The following LARP4 variants were observed in gnomAD, a reference collection of about 807,000 sequenced individuals.
The protein encoded by LARP4 is La ribonucleoprotein 4.
A neutral mutation model predicts 92.9 loss-of-function variants in LARP4; 29 were observed. The ratio of observed to expected loss-of-function variants is 0.31; its 90% CI spans 0.23 to 0.43. The LOEUF (loss-of-function observed/expected upper bound fraction) is 0.43. Among genes scored for constraint, LARP4 ranks in the 20% least tolerant of loss-of-function variants. The pLI is 1.00. For synonymous variants in LARP4, 279 were observed against 284.1 expected (o/e 0.98, Z 0.18); for missense variants, 732 against 860.0 (o/e 0.85, Z 1.86).
chr12:50,430,025 T>C (rs1949413784), intron 3 of LARP4, among the ~76,000 whole-genome samples: 2 of 152,114 alleles, frequency 1.3e-5, no homozygotes, highest in Non-Finnish European at 2.9e-5. Flanking sequence ...TGAAAGAATA[T>C]CTAGATTGAC....
chr12:50,415,308 G>A (rs1946578744), intron 1 of LARP4, among the ~76,000 whole-genome samples: 1 of 152,150 alleles, frequency 6.6e-6, no homozygotes. Flanking sequence ...CCATTAGAGT[G>A]TAATGTCTTT....
chr12:50,473,977 T>C, intron 14 of LARP4, 22 bp from the exon 15 acceptor site: 2 of 1,603,806 alleles, frequency 1.2e-6, no homozygotes, highest in East Asian at 2.2e-5. Flanking sequence ...CTGAGTCTAA[T>C]TGCAAGCTCT....
chr12:50,412,681 T>C (rs1946107694), intron 1 of LARP4, among the ~76,000 whole-genome samples: 1 of 152,162 alleles, frequency 6.6e-6, no homozygotes, highest in Non-Finnish European at 1.5e-5. Flanking sequence ...TTTGGCTTAT[T>C]TGGGGATGAC....
chr12:50,410,103 A>G (rs1945590053), intron 1 of LARP4, among the ~76,000 whole-genome samples: 1 of 151,612 alleles, frequency 6.6e-6, no homozygotes, highest in Admixed American at 6.6e-5. Context: ...AAAAAAAAAA[A>G]AGAACTATTT....
At chr12:50,422,360 T>C (rs1349218560) in intron 1 of LARP4, among the ~76,000 whole-genome samples, 1 of 152,236 alleles carries the variant, frequency 6.6e-6, no homozygotes, top group Non-Finnish European at 1.5e-5. Flanking sequence ...CTTTTGTTAT[T>C]ATAGCAGTTA....
chr12:50,401,270 T>G (rs945523155), intron 1 of LARP4: 3 of 573,164 alleles, frequency 5.2e-6, no homozygotes, highest in Non-Finnish European at 9.4e-6. Flanking sequence ...GGAGGGCTGT[T>G]CTGGTGTGGC....
chr12:50,438,386 A>G (rs1273136415), intron 6 of LARP4, among the ~76,000 whole-genome samples: 1 of 151,712 alleles, frequency 6.6e-6, no homozygotes, highest in Non-Finnish European at 1.5e-5. Flanking sequence ...AATCCCAGCT[A>G]CTTGAGAGGC....
At chr12:50,446,583 C>G (rs1056192680) in intron 8 of LARP4, among the ~76,000 whole-genome samples, 3 of 149,444 alleles carry the variant, frequency 2.0e-5, no homozygotes, top group African/African-American at 7.4e-5. Flanking sequence ...CGCATGCCAC[C>G]ATGCTTGGCT....
chr12:50,429,142 C>T lies in LARP4; in HGVS notation c.322+52C>T, dbSNP rs765309412. On this transcript the variant is annotated intron_variant, in intron 3 of 15. Coordinates refer to ENST00000398473, the MANE Select transcript of LARP4 (RefSeq NM_052879.5). Reference sequence around the variant, plus strand: ...ATGAGAATTCAGTACAGGACACCCCCCACCCATGGTCTCTTTATACTTGTT... The same window carrying T: ...ATGAGAATTCAGTACAGGACACCCCTCACCCATGGTCTCTTTATACTTGTT... The T allele has an allele frequency of 1.1e-5, 14 of 1,327,016 alleles. No homozygotes were observed. The East Asian group carries it at 2.8e-4, about 26-fold the overall frequency. 82.2% of individuals were successfully genotyped at this position (1,327,016 alleles called of 1,614,324 possible).
intron 13 of LARP4, among the ~76,000 whole-genome samples, chr12:50,468,857 A>T (rs1256537435): frequency 1.3e-5 from 2 of 151,952 alleles, no homozygotes; most frequent in Non-Finnish European, 2.9e-5. Flanking sequence ...TCAGTATTAC[A>T]GATATTTTTC....
chr12:50,465,990 CAT>C (rs1329708778), intron 12 of LARP4, among the ~76,000 whole-genome samples: 2 of 152,074 alleles, frequency 1.3e-5, no homozygotes, highest in African/African-American at 4.8e-5. Flanking sequence ...AAAAAGAGCA[CAT>C]GTCTGTCAAA....
At chr12:50,414,294 T>TTTGTTG (rs573686302) in intron 1 of LARP4, among the ~76,000 whole-genome samples, 3 of 152,028 alleles carry the variant, frequency 2.0e-5, no homozygotes, top group South Asian at 4.1e-4. Context: ...TTTTCTGGGT[T>TTTGTTG]TTGTTGTTGT....
intron 1 of LARP4, among the ~76,000 whole-genome samples, chr12:50,408,432 G>C (rs902803339): frequency 9.9e-5 from 15 of 151,892 alleles, no homozygotes; most frequent in Non-Finnish European, 1.2e-4. Context: ...CCCAACCTCA[G>C]GTGATCCGCC....
intron 1 of LARP4, among the ~76,000 whole-genome samples, chr12:50,406,443 T>C (rs1450994874): frequency 6.6e-6 from 1 of 152,122 alleles, no homozygotes; most frequent in East Asian, 1.9e-4. Context: ...TTCATGACAC[T>C]GCACTCCAGC....
At chr12:50,458,431 C>CT (rs1185254884) in intron 10 of LARP4, among the ~76,000 whole-genome samples, 4 of 151,858 alleles carry the variant, frequency 2.6e-5, no homozygotes, top group Non-Finnish European at 5.9e-5. Flanking sequence ...CACCCAGCTA[C>CT]TTTAAGTTTT....
chr12:50,422,136 A>AT (rs1565972382), intron 1 of LARP4, among the ~76,000 whole-genome samples: 1 of 151,550 alleles, frequency 6.6e-6, no homozygotes, highest in East Asian at 1.9e-4. Flanking sequence ...CGACTGGCTA[A>AT]TTTTTTTTAG....
Position 50,463,426 on chromosome 12 carries a change from A to C in LARP4, c.1383+796A>C, listed in dbSNP as rs954759220. 2.8e-3 allele frequency among the ~76,000 whole-genome samples: 405 copies of C among 146,544 alleles called. 5 individuals are homozygous for C. Among genetic ancestry groups the C allele is most frequent in the Non-Finnish European group, 4.8e-3 (319 of 66,570 alleles). ...TGATGAAACCCCATCTCTCCAAAAAAAAAAAAAAAAAAAAAAAAAAAATTA... is the reference window on the plus strand; with the variant it reads ...TGATGAAACCCCATCTCTCCAAAAACAAAAAAAAAAAAAAAAAAAAAATTA... On this transcript the variant is annotated intron_variant, in intron 12 of 15. Coordinates refer to ENST00000398473, the MANE Select transcript of LARP4 (RefSeq NM_052879.5).
intron 2 of LARP4, among the ~76,000 whole-genome samples, chr12:50,428,550 C>G (rs984988282): frequency 1.3e-5 from 2 of 152,112 alleles, no homozygotes; most frequent in Non-Finnish European, 2.9e-5. Flanking sequence ...TTTTTATCTA[C>G]CATCATTGAC....
In LARP4 at chr12:50,442,701, T is replaced by A. The variant is rs1336491357; in HGVS notation, c.804+1058T>A. The stretch of plus-strand genomic sequence containing the variant: ...TTACATGTATTGACTCATTTAATCC[T>A]TACAGGAACCTAATGAGATAGTGCT... On this transcript the variant is annotated intron_variant, in intron 8 of 15. Coordinates refer to ENST00000398473, the MANE Select transcript of LARP4 (RefSeq NM_052879.5). 3.9e-5 allele frequency among the ~76,000 whole-genome samples: 6 copies of A among 152,238 alleles called. No homozygotes were observed. In the East Asian group the frequency reaches 1.2e-3, roughly 29 times the overall value.
Sources: allele counts gnomAD v4.1 joint callset (sites outside exome capture counted in the v4.1 genomes callset), GRCh38; gene constraint gnomAD v4.1.1; transcripts MANE v1.5; gene names NCBI Gene and HGNC (gene_info 2026-07-23, HGNC 2026-07-21).